Variants in HPSE2 observed in about 807,000 individuals in gnomAD.
HPSE2 encodes the protein heparanase 2 (inactive).
In HPSE2, 38 loss-of-function variants were observed where a neutral mutation model predicts 60.5. That is an observed-to-expected ratio of 0.63 (90% confidence interval 0.48 to 0.82). HPSE2 has a LOEUF of 0.82. HPSE2 is among the 40% of genes least tolerant of loss of function. The pLI is 0.00. For missense variants in HPSE2, 713 were observed against 740.4 expected (o/e 0.96, Z 0.43); for synonymous variants, 295 against 293.2 (o/e 1.01, Z -0.06).
intron 3 of HPSE2, among the ~76,000 whole-genome samples, chr10:98,757,999 C>T (rs181046438): frequency 3.3e-5 from 5 of 152,070 alleles, no homozygotes; most frequent in Middle Eastern, 3.4e-3. Flanking sequence ...GACAAATAGG[C>T]CAATGGAATG....
chr10:98,987,501 A>G (rs1363342149), intron 3 of HPSE2, among the ~76,000 whole-genome samples: 3 of 152,342 alleles, frequency 2.0e-5, no homozygotes, highest in Non-Finnish European at 2.9e-5. Context: ...TCTCAAAATA[A>G]TAAGAGCTAT....
At chr10:98,531,374 A>T (rs1446869640) in intron 9 of HPSE2, among the ~76,000 whole-genome samples, 1 of 152,180 alleles carries the variant, frequency 6.6e-6, no homozygotes, top group East Asian at 1.9e-4. Flanking sequence ...ATGGGAAAAC[A>T]GCATATTTCA....
At chr10:98,518,777 T>C (rs1056300632) in intron 9 of HPSE2, among the ~76,000 whole-genome samples, 3 of 151,902 alleles carry the variant, frequency 2.0e-5, no homozygotes, top group Admixed American at 2.0e-4. Flanking sequence ...AACAAGATAA[T>C]GCGTGCAAAG....
chr10:99,121,261 G>A (rs550258394), intron 3 of HPSE2, among the ~76,000 whole-genome samples: 3 of 152,228 alleles, frequency 2.0e-5, no homozygotes, highest in South Asian at 2.1e-4. Context: ...TGGACACATA[G>A]AGGGGCACAA....
chr10:98,704,805 C>G (rs1008699948), intron 5 of HPSE2, among the ~76,000 whole-genome samples: 1 of 152,104 alleles, frequency 6.6e-6, no homozygotes, highest in African/African-American at 2.4e-5. Flanking sequence ...ACCATAAGAA[C>G]CCTAGAAGAA....
At chr10:98,621,468 C>G (rs985721165) in intron 7 of HPSE2, among the ~76,000 whole-genome samples, 11 of 152,192 alleles carry the variant, frequency 7.2e-5, no homozygotes, top group Middle Eastern at 3.4e-3. Context: ...CTGGGTAGCC[C>G]CTAAAAGCAG....
intron 3 of HPSE2, among the ~76,000 whole-genome samples, chr10:99,043,474 G>C (rs529564620): frequency 6.6e-6 from 1 of 152,232 alleles, no homozygotes; most frequent in South Asian, 2.1e-4. Context: ...CTGGGCGACA[G>C]AGTGAGACTC....
the HPSE2 span, among the ~76,000 whole-genome samples, chr10:99,307,829 T>TCCACACAC: frequency 3.4e-5 from 5 of 146,046 alleles, no homozygotes; most frequent in Non-Finnish European, 6.1e-5. Flanking sequence ...ACCTAGTAAA[T>TCCACACAC]GCGCACACAC....
At chr10:98,799,443 T>C (rs1171072842) in intron 3 of HPSE2, among the ~76,000 whole-genome samples, 1 of 152,156 alleles carries the variant, frequency 6.6e-6, no homozygotes, top group Non-Finnish European at 1.5e-5. Flanking sequence ...ATGGACCTAA[T>C]AGTTATTTAC....
intron 3 of HPSE2, among the ~76,000 whole-genome samples, chr10:99,051,658 C>T (rs989506575): frequency 2.0e-5 from 3 of 152,120 alleles, no homozygotes; most frequent in Non-Finnish European, 4.4e-5. Flanking sequence ...GGTAAAGCAA[C>T]AGTTGGAAAG....
At chr10:98,535,468 T>C (rs567137) in intron 9 of HPSE2, among the ~76,000 whole-genome samples, 130,891 of 152,056 alleles carry the variant, frequency 0.86, 57,305 homozygotes, top group East Asian at 1. Context: ...AATCATGGAC[T>C]CCTCTCTTGC....
At chr10:99,281,959 A>G in the HPSE2 span, among the ~76,000 whole-genome samples, 4 of 152,286 alleles carry the variant, frequency 2.6e-5, no homozygotes, top group East Asian at 7.7e-4. Flanking sequence ...ATTTAAGCCA[A>G]AGAAAGTTAC....
chr10:99,044,720 A>G (rs997961495), intron 3 of HPSE2, among the ~76,000 whole-genome samples: 2 of 152,158 alleles, frequency 1.3e-5, no homozygotes, highest in Non-Finnish European at 2.9e-5. Context: ...TGTTATTCTT[A>G]TATCAGATAA....
intron 5 of HPSE2, among the ~76,000 whole-genome samples, chr10:98,712,319 A>C (rs1326703155): frequency 6.6e-6 from 1 of 152,044 alleles, no homozygotes; most frequent in African/African-American, 2.4e-5. Flanking sequence ...AAATTGTTAT[A>C]TGTCTTTATA....
At chr10:98,525,926 T>C (rs1245297555) in intron 9 of HPSE2, among the ~76,000 whole-genome samples, 1 of 152,218 alleles carries the variant, frequency 6.6e-6, no homozygotes, top group Non-Finnish European at 1.5e-5. Flanking sequence ...ACCGATCCTG[T>C]ATATTAGATG....
At chr10:98,918,131 A>G (rs1954174415) in intron 3 of HPSE2, among the ~76,000 whole-genome samples, 1 of 152,190 alleles carries the variant, frequency 6.6e-6, no homozygotes, top group African/African-American at 2.4e-5. Context: ...ATTAAGATAA[A>G]AGCATCAACA....
Position 98,653,709 on chromosome 10 carries a change from C to T in HPSE2, c.1005-11769G>A, listed in dbSNP as rs1053817143. Among the ~76,000 whole-genome samples the T allele has an allele frequency of 2.0e-5, 3 of 151,432 alleles. No individual in the cohort carries two copies. The South Asian group carries it at 6.3e-4, about 32-fold the overall frequency. Reference sequence around the variant, plus strand: ...GCTATAATAACCCAGTACATTGTGGCTATTATTACTTTAAACAGTTATCTT... The same window carrying T: ...GCTATAATAACCCAGTACATTGTGGTTATTATTACTTTAAACAGTTATCTT... On this transcript the variant is annotated intron_variant, in intron 6 of 11. Transcript: ENST00000370552.
chr10:99,102,228 C>A (rs1844029794), intron 3 of HPSE2, among the ~76,000 whole-genome samples: 1 of 151,926 alleles, frequency 6.6e-6, no homozygotes, highest in Non-Finnish European at 1.5e-5. Flanking sequence ...AATTGATAGA[C>A]CACTAGCAAG....
In HPSE2 at chr10:99,137,811, C is replaced by T. The variant is rs1449068619; in HGVS notation, c.610+6427G>A. On this transcript the variant is annotated intron_variant, in intron 3 of 11. Coordinates refer to ENST00000370552, the MANE Select transcript of HPSE2 (RefSeq NM_021828.5). ...TCCTAGAAGAAAACCTGGGCAATAC[C>T]ATTCAGGACGTAGGCATGGGCAAAG... Among the ~76,000 whole-genome samples the T allele has an allele frequency of 2.6e-5, 4 of 152,110 alleles. No homozygotes were observed. The East Asian group carries it at 7.7e-4, about 29-fold the overall frequency.
Sources: gnomAD v4.1 joint callset for allele counts (sites outside exome capture counted in the v4.1 genomes callset) on GRCh38, gnomAD v4.1.1 for gene constraint, MANE v1.5 for transcripts, NCBI Gene and HGNC (gene_info 2026-07-23, HGNC 2026-07-21) for gene names.